SPTBN4: variants seen among roughly 807,000 people sequenced by gnomAD.
SPTBN4 encodes spectrin beta chain, non-erythrocytic 4.
A neutral mutation model predicts 277.8 loss-of-function variants in SPTBN4; 96 were observed. The ratio of observed to expected loss-of-function variants is 0.35; its 90% confidence interval spans 0.29 to 0.41. The LOEUF is 0.41. SPTBN4 is among the 10% of genes least tolerant of loss of function. SPTBN4 has a pLI of 1.00. For synonymous variants in SPTBN4, 1,481 were observed against 1,580.3 expected, an observed-to-expected ratio of 0.94 and a Z score of 1.49; for missense variants, 3,006 against 3,595.7, an observed-to-expected ratio of 0.84 and a Z score of 4.19.
chr19:40,564,835 A>T (rs1338869027), intron 27 of SPTBN4, among the ~76,000 whole-genome samples: 1 of 130,064 alleles, frequency 7.7e-6, no homozygotes, highest in Non-Finnish European at 1.7e-5. Flanking sequence ...AGACCCTATT[A>T]AAAAAAAAAA....
Position 40,515,899 on chromosome 19 carries a change from C to A in SPTBN4, c.2903+451C>A, listed in dbSNP as rs1014257555. 8.0e-5 allele frequency among the ~76,000 whole-genome samples: 11 copies of A among 137,046 alleles called. No homozygotes were observed. Among genetic ancestry groups the A allele is most frequent in the Non-Finnish European group, 1.2e-4 (8 of 65,382 alleles). 89.9% of individuals were successfully genotyped at this position (137,046 alleles called of 152,430 possible). A position where few individuals can be genotyped will look rare whatever the true frequency, so the allele number is the denominator to read the frequency against. ...ACACACACACACACACACACACACACAAAATATATATATACACACACATAT... is the reference window on the plus strand; with the variant it reads ...ACACACACACACACACACACACACAAAAAATATATATATACACACACATAT... On this transcript the variant is annotated intron_variant, in intron 15 of 35. Coordinates refer to ENST00000598249, the MANE Select transcript of SPTBN4 (RefSeq NM_020971.3). The surrounding 1 kb of genome is among the most constrained non-coding windows in gnomAD (Gnocchi z 4.1).
chr19:40,514,116 A>G lies in SPTBN4; in HGVS notation c.2765+562A>G, dbSNP rs147154502. ...GGCTGACTTAGCAATGAGTTGTTCA[A>G]TTAGTGGGTGAACAATGCCTATTCC... is the stretch of plus-strand genomic sequence containing the variant. On this transcript the variant is annotated intron_variant, in intron 14 of 35. Coordinates refer to ENST00000598249, the MANE Select transcript of SPTBN4 (RefSeq NM_020971.3). Among the ~76,000 whole-genome samples the G allele has an allele frequency of 5.6e-3, 850 of 152,344 alleles. 4 individuals are homozygous for G. Among genetic ancestry groups the G allele is most frequent in the Middle Eastern group, 0.014 (4 of 294 alleles).
chr19:40,506,283 C>A lies in SPTBN4; in HGVS notation c.1713C>A (p.Asp571Glu). The change falls in exon 13 of 36, where the codon GAC (aspartate) becomes GAA (glutamate). Residue 571 changes from aspartate to glutamate, a missense_variant. Around this residue, in one of 5 missense-constraint regions of SPTBN4, gnomAD observed 1,759 missense variants for 2,061.5 expected, o/e 0.85. Transcript: ENST00000598249. Reference sequence around the variant, plus strand: ...GTGGGCAGCACCTGGTGGAGGCAGACGACCTGTTGCAGAAGCATGGACTGC... The same window carrying A: ...GTGGGCAGCACCTGGTGGAGGCAGAAGACCTGTTGCAGAAGCATGGACTGC... ...RECGQHLVEA[D>E]DLLQKHGLLE... The A allele has an allele frequency of 1.2e-6, 2 of 1,613,880 alleles. No individual in the cohort carries two copies. Among genetic ancestry groups the A allele is most frequent in the Non-Finnish European group, 8.5e-7 (1 of 1,179,908 alleles).
At chr19:40,470,508 T>C (rs1189357746) in intron 1 of SPTBN4, among the ~76,000 whole-genome samples, 1 of 151,906 alleles carries the variant, frequency 6.6e-6, no homozygotes. Flanking sequence ...GGTTTCACCA[T>C]GTTGGCCGGG....
At chr19:40,547,892 AT>A (rs1372959386) in intron 20 of SPTBN4, among the ~76,000 whole-genome samples, 41 of 152,220 alleles carry the variant, frequency 2.7e-4, no homozygotes, top group African/African-American at 9.6e-4. Context: ...ATTTTTCTCC[AT>A]CCCAACATTA....
At chr19:40,498,405 ATTTATTTATTTATTTT>A (rs1423036788) in intron 7 of SPTBN4, among the ~76,000 whole-genome samples, 3 of 149,012 alleles carry the variant, frequency 2.0e-5, no homozygotes, top group Non-Finnish European at 4.5e-5. Context: ...TTATTTATTT[ATTTATTTATTTATTTT>A]TTTAGATGGA....
At chr19:40,539,010 G>A (rs1435685688) in intron 20 of SPTBN4, among the ~76,000 whole-genome samples, 3 of 152,222 alleles carry the variant, frequency 2.0e-5, no homozygotes, top group Non-Finnish European at 2.9e-5. Context: ...GGTCCATGCA[G>A]GTCAGTCCTG....
intron 35 of SPTBN4, among the ~76,000 whole-genome samples, chr19:40,573,651 A>T (rs1435674151): frequency 6.6e-6 from 1 of 151,782 alleles, no homozygotes; most frequent in Non-Finnish European, 1.5e-5. Context: ...ACCAACATGG[A>T]GAAACCCCAT....
At position 40,550,814 on chromosome 19, in the gene SPTBN4, C is replaced by T. The variant is rs529711911; in HGVS notation, c.4674+487C>T. Among the ~76,000 whole-genome samples the T allele has an allele frequency of 3.5e-4, 54 of 152,216 alleles. 1 individual carries two copies. Among genetic ancestry groups the T allele is most frequent in the Middle Eastern group, 3.4e-3 (1 of 294 alleles). ...GATTACAGGTGTGAGCCACCGCGCCCGGCCTGTTTGTTTTTCTGCATGAGC... is the reference window on the plus strand; with the variant it reads ...GATTACAGGTGTGAGCCACCGCGCCTGGCCTGTTTGTTTTTCTGCATGAGC... On this transcript the variant is annotated intron_variant, in intron 22 of 35. Transcript: ENST00000598249.
chr19:40,542,443 C>G (rs1039070659), intron 20 of SPTBN4, among the ~76,000 whole-genome samples: 20 of 152,172 alleles, frequency 1.3e-4, no homozygotes, highest in African/African-American at 4.6e-4. Flanking sequence ...GTCTCAAGTC[C>G]TGGCTCCCCA....
At chr19:40,476,662 A>G (rs2079951432) in intron 2 of SPTBN4, among the ~76,000 whole-genome samples, 1 of 151,940 alleles carries the variant, frequency 6.6e-6, no homozygotes, top group Admixed American at 6.6e-5. Flanking sequence ...ATCTCGGCTC[A>G]CTGCAAGCTC....
At chr19:40,571,938 A>G in intron 33 of SPTBN4, 81 bp from the exon 34 acceptor site, 6 of 1,456,288 alleles carry the variant, frequency 4.1e-6, no homozygotes, top group Non-Finnish European at 5.5e-6. Context: ...GCTCAGACAT[A>G]TTCAGACCTT....
At position 40,560,061 on chromosome 19, in the gene SPTBN4, C is replaced by T; in HGVS notation, c.5671-98C>T. The T allele has an allele frequency of 6.9e-7, 1 of 1,449,776 alleles. No homozygotes were observed. The highest frequency in any genetic ancestry group is 9.0e-7 in the Non-Finnish European group (1 of 1,105,786). 89.8% of individuals were successfully genotyped at this position (1,449,776 alleles called of 1,614,324 possible). A position where few individuals can be genotyped will look rare whatever the true frequency, so the allele number is the denominator to read the frequency against. On this transcript the variant is annotated intron_variant, in intron 26 of 35. Transcript: ENST00000598249. The surrounding 1 kb of genome is among the most constrained non-coding windows in gnomAD (Gnocchi z 5.2). ...GGCTGTGGGATCACAGTGTGAGGCT[C>T]CTTATATCTTGAGGTTCTGCGCTGG...
chr19:40,496,387 T>C (rs1374170642), intron 6 of SPTBN4, among the ~76,000 whole-genome samples: 1 of 152,092 alleles, frequency 6.6e-6, no homozygotes, highest in East Asian at 1.9e-4. Flanking sequence ...TGACCTCAGG[T>C]GATCCACCCA....
chr19:40,498,229 A>C (rs814537), intron 7 of SPTBN4, among the ~76,000 whole-genome samples: 2 of 151,658 alleles, frequency 1.3e-5, no homozygotes. Context: ...CCTGACACCC[A>C]TCTCCCATCC....
At chr19:40,475,113 T>C (rs1014792798) in intron 2 of SPTBN4, among the ~76,000 whole-genome samples, 11 of 152,050 alleles carry the variant, frequency 7.2e-5, no homozygotes, top group Admixed American at 1.3e-4. Flanking sequence ...CTTAGACCTT[T>C]AGAACTGTAG....
chr19:40,554,643 A>G lies in SPTBN4; in HGVS notation c.5081A>G (p.Asp1694Gly). 1 of 1,589,504 alleles carries G rather than the reference A, an allele frequency of 6.3e-7. No homozygotes were observed. The highest frequency in any genetic ancestry group is 1.3e-5 in the African/African-American group (1 of 74,492). The change falls in exon 24 of 36, where the codon GAC becomes GGC. Residue 1694 changes from aspartate (D) to glycine (G), a missense_variant. Transcript: ENST00000598249. This position sits in a 1 kb window ranked among gnomAD's most constrained non-coding sequence, Gnocchi z 5.7. Reference sequence around the variant, plus strand: ...GCGCTGCTGGAGATGGGGCACCCGGACAGGTGGGCGGGCGCGTGGCCAGTT... The same window carrying G: ...GCGCTGCTGGAGATGGGGCACCCGGGCAGGTGGGCGGGCGCGTGGCCAGTT... The part of the protein sequence containing the change: ...CRALLEMGHP[D>G]SEQISRRQSQ...
chr19:40,528,094 A>G (rs2080616482), intron 17 of SPTBN4, among the ~76,000 whole-genome samples: 1 of 149,026 alleles, frequency 6.7e-6, no homozygotes, highest in South Asian at 2.1e-4. Flanking sequence ...AAGGACTCTC[A>G]TGGAGACCCT....
chr19:40,547,186 C>T (rs1188074871), intron 20 of SPTBN4, among the ~76,000 whole-genome samples: 5 of 122,612 alleles, frequency 4.1e-5, no homozygotes, highest in Admixed American at 9.1e-5. Context: ...CCCCTCCCCC[C>T]ACCCCATGAC....
Sources: allele counts gnomAD v4.1 joint callset (sites outside exome capture counted in the v4.1 genomes callset), GRCh38; gene constraint gnomAD v4.1.1; regional missense constraint gnomAD v4.1.1; non-coding constraint Gnocchi (gnomAD v3.1); transcripts MANE v1.5; gene names NCBI Gene and HGNC (gene_info 2026-07-23, HGNC 2026-07-21).